Variants in SCHIP1 observed in about 807,000 individuals in gnomAD.
The protein encoded by SCHIP1 is schwannomin interacting protein 1.
SCHIP1 carries 8 observed loss-of-function variants against 29.7 expected under a neutral mutation model. The observed-to-expected ratio is 0.27, with a 90% CI of 0.16 to 0.49. The LOEUF (loss-of-function observed/expected upper bound fraction) is 0.49. SCHIP1 is among the 20% of genes least tolerant of loss of function. The probability of loss-of-function intolerance (pLI) is 0.99; values close to 1 mark genes in which losing one functional copy is unlikely to be tolerated. For missense variants in SCHIP1, 193 were observed against 294.6 expected, an observed-to-expected ratio of 0.66 and a Z score of 2.52; for synonymous variants, 76 against 94.9, an observed-to-expected ratio of 0.80 and a Z score of 1.16.
chr3:159,492,465 A>G, the SCHIP1 span, among the ~76,000 whole-genome samples: 5 of 152,258 alleles, frequency 3.3e-5, no homozygotes, highest in Non-Finnish European at 7.3e-5. Context: ...CACAAGCCTC[A>G]GTAACTGAGG....
At chr3:159,446,210 A>G in the SCHIP1 span, among the ~76,000 whole-genome samples, 1 of 152,046 alleles carries the variant, frequency 6.6e-6, no homozygotes, top group Non-Finnish European at 1.5e-5. Flanking sequence ...CAACAGAGAC[A>G]CACATACATG....
chr3:159,411,389 T>C, the SCHIP1 span, among the ~76,000 whole-genome samples: 1 of 152,150 alleles, frequency 6.6e-6, no homozygotes, highest in South Asian at 2.1e-4. Context: ...AAATATCTCA[T>C]GTACTCCATA....
At chr3:159,602,928 A>T in the SCHIP1 span, among the ~76,000 whole-genome samples, 5 of 151,958 alleles carry the variant, frequency 3.3e-5, no homozygotes, top group Non-Finnish European at 5.9e-5. Flanking sequence ...CAACTCTGAC[A>T]CTCTCCACCT....
chr3:159,659,875 G>T, the SCHIP1 span, among the ~76,000 whole-genome samples: 1 of 151,950 alleles, frequency 6.6e-6, no homozygotes, highest in Non-Finnish European at 1.5e-5. Context: ...AGGTTAAAGC[G>T]TGAAAAATAG....
At chr3:159,781,466 A>G in the SCHIP1 span, among the ~76,000 whole-genome samples, 100,586 of 152,168 alleles carry the variant, frequency 0.66, 33,764 homozygotes, top group East Asian at 0.99. Flanking sequence ...GTGAGCCACC[A>G]TGCCCAGCCA....
At chr3:159,508,099 G>A in the SCHIP1 span, among the ~76,000 whole-genome samples, 1 of 152,110 alleles carries the variant, frequency 6.6e-6, no homozygotes, top group Non-Finnish European at 1.5e-5. Context: ...TCTGGTCCTG[G>A]ACTTTTTTGG....
At chr3:159,649,441 C>T in the SCHIP1 span, among the ~76,000 whole-genome samples, 2 of 151,794 alleles carry the variant, frequency 1.3e-5, no homozygotes, top group Admixed American at 1.3e-4. Context: ...AATGTAAAAG[C>T]GAAGTCAACA....
the SCHIP1 span, among the ~76,000 whole-genome samples, chr3:159,510,141 A>G: frequency 6.6e-6 from 1 of 152,126 alleles, no homozygotes; most frequent in Non-Finnish European, 1.5e-5. Flanking sequence ...ACATAGTCCC[A>G]TATTTCTTGG....
At chr3:159,800,125 A>G in the SCHIP1 span, among the ~76,000 whole-genome samples, 2 of 152,236 alleles carry the variant, frequency 1.3e-5, no homozygotes, top group African/African-American at 4.8e-5. Flanking sequence ...GTAGTGAACA[A>G]AACAAAGCCC....
the SCHIP1 span, among the ~76,000 whole-genome samples, chr3:159,731,455 T>A: frequency 2.6e-5 from 4 of 152,144 alleles, no homozygotes; most frequent in Non-Finnish European, 5.9e-5. Flanking sequence ...TGCTCAGGAG[T>A]AGACGAGGCC....
chr3:159,705,665 G>A, the SCHIP1 span, among the ~76,000 whole-genome samples: 1 of 152,242 alleles, frequency 6.6e-6, no homozygotes, highest in South Asian at 2.1e-4. Flanking sequence ...TTCAGTAGCA[G>A]GATGGATGTG....
At chr3:159,863,553 A>T (rs535788438) in intron 1 of SCHIP1, among the ~76,000 whole-genome samples, 1 of 152,228 alleles carries the variant, frequency 6.6e-6, no homozygotes, top group Non-Finnish European at 1.5e-5. Flanking sequence ...AATTCTGAAA[A>T]TCTAATAAAT....
intron 1 of SCHIP1, among the ~76,000 whole-genome samples, chr3:159,846,252 A>G (rs1363151276): frequency 1.3e-5 from 2 of 152,190 alleles, no homozygotes; most frequent in African/African-American, 4.8e-5. Context: ...CTGTGGCCAA[A>G]TGTTTCAGCC....
At chr3:159,892,059 G>C in intron 5 of SCHIP1, 38 bp from the exon 7 acceptor site, 2 of 1,599,306 alleles carry the variant, frequency 1.3e-6, no homozygotes, top group Non-Finnish European at 1.7e-6. Context: ...CTTGGAGGCA[G>C]TTTTATCTGT....
At chr3:159,737,792 G>T in the SCHIP1 span, among the ~76,000 whole-genome samples, 1 of 152,156 alleles carries the variant, frequency 6.6e-6, no homozygotes. Flanking sequence ...GGCAGCAGCT[G>T]CCTGGAGCAC....
chr3:159,415,570 A>T, the SCHIP1 span, among the ~76,000 whole-genome samples: 17,081 of 152,092 alleles, frequency 0.11, 1,081 homozygotes, highest in Non-Finnish European at 0.13. Context: ...TTCCTGTGTT[A>T]GTTTGCCAAA....
At chr3:159,671,855 G>T in the SCHIP1 span, among the ~76,000 whole-genome samples, 6 of 152,276 alleles carry the variant, frequency 3.9e-5, 1 homozygote, top group African/African-American at 1.4e-4. Context: ...TCTGAGAAAT[G>T]CGAGAACCCA....
the SCHIP1 span, among the ~76,000 whole-genome samples, chr3:159,656,417 T>C: frequency 6.6e-6 from 1 of 152,144 alleles, no homozygotes; most frequent in Non-Finnish European, 1.5e-5. Flanking sequence ...AACCTCCTCT[T>C]GTACCTTAGA....
At chr3:159,765,000 A>G in the SCHIP1 span, 8 of 1,530,548 alleles carry the variant, frequency 5.2e-6, no homozygotes, top group Non-Finnish European at 7.0e-6. The surrounding 1 kb of genome is among the most constrained non-coding windows in gnomAD (Gnocchi z 6.1). Flanking sequence ...TTCAGCCCCC[A>G]GACGGCGGGA....
Sources: gnomAD v4.1 joint callset for allele counts (sites outside exome capture counted in the v4.1 genomes callset) on GRCh38, gnomAD v4.1.1 for gene constraint, Gnocchi (gnomAD v3.1) non-coding constraint, MANE v1.5 for transcripts, NCBI Gene and HGNC (gene_info 2026-07-23, HGNC 2026-07-21) for gene names.